The following CPVL variants were observed in gnomAD, a reference collection of about 807,000 sequenced individuals.
CPVL encodes the protein probable serine carboxypeptidase CPVL.
A neutral mutation model predicts 63.7 loss-of-function variants in CPVL; 51 were observed. The ratio of observed to expected loss-of-function variants is 0.80; its 90% CI spans 0.64 to 1.01. The LOEUF (loss-of-function observed/expected upper bound fraction) is 1.01. CPVL is among the 50% of genes least tolerant of loss of function. The pLI is 0.00. For missense variants in CPVL, 530 were observed against 573.1 expected, an observed-to-expected ratio of 0.92 and a Z score of 0.77; for synonymous variants, 195 against 206.0, an observed-to-expected ratio of 0.95 and a Z score of 0.46.
upstream of CPVL, among the ~76,000 whole-genome samples, chr7:29,147,976 C>T (rs923626926): frequency 6.6e-6 from 1 of 152,154 alleles, no homozygotes; most frequent in Non-Finnish European, 1.5e-5. Flanking sequence ...TTGCAGCCAC[C>T]TCCTCTCTTC....
intron 1 of CPVL, chr7:29,124,943 G>T (rs1789839817): frequency 6.6e-6 from 1 of 151,972 alleles, no homozygotes; most frequent in Non-Finnish European, 1.5e-5. Context: ...CTGTTTCCTA[G>T]GAATAAGGTT....
At chr7:29,025,933 A>G (rs1562728846) in intron 12 of CPVL, among the ~76,000 whole-genome samples, 1 of 152,148 alleles carries the variant, frequency 6.6e-6, no homozygotes, top group African/African-American at 2.4e-5. Flanking sequence ...AATAAGAAAG[A>G]AACGTCAGAT....
intron 1 of CPVL, chr7:29,186,658 T>C (rs1355810663): frequency 6.6e-6 from 1 of 151,742 alleles, no homozygotes; most frequent in Non-Finnish European, 1.5e-5. Context: ...AAAATAAAAA[T>C]AAAAACATGA....
At chr7:29,090,671 C>T (rs1041718495) in intron 6 of CPVL, among the ~76,000 whole-genome samples, 10 of 152,230 alleles carry the variant, frequency 6.6e-5, no homozygotes, top group African/African-American at 2.4e-4. Context: ...TAGTGTACTC[C>T]AAATCAAAGT....
intron 5 of CPVL, among the ~76,000 whole-genome samples, chr7:29,156,134 A>G (rs1183970384): frequency 1.3e-5 from 2 of 152,202 alleles, no homozygotes; most frequent in African/African-American, 2.4e-5. Context: ...CTGGAAAACC[A>G]TATATTTACT....
chr7:29,158,629 A>G (rs780621808), intron 5 of CPVL, among the ~76,000 whole-genome samples: 13 of 151,592 alleles, frequency 8.6e-5, no homozygotes, highest in Non-Finnish European at 1.8e-4. Flanking sequence ...GTATGCCTGA[A>G]TAGGTGAATT....
At chr7:29,180,364 A>G (rs1797912484) in intron 5 of CPVL, among the ~76,000 whole-genome samples, 1 of 152,058 alleles carries the variant, frequency 6.6e-6, no homozygotes, top group Non-Finnish European at 1.5e-5. Context: ...TATCTCTACT[A>G]AAAATACAAA....
chr7:29,186,562 T>TGAAAG (rs143140699), intron 1 of CPVL: 9 of 130,352 alleles, frequency 6.9e-5, no homozygotes, highest in Non-Finnish European at 1.3e-4. Flanking sequence ...GTGACAGAGA[T>TGAAAG]GAAAGGAAAG....
At chr7:29,093,264 C>A (rs996352064) in intron 5 of CPVL, among the ~76,000 whole-genome samples, 1 of 151,356 alleles carries the variant, frequency 6.6e-6, no homozygotes, top group Non-Finnish European at 1.5e-5. Context: ...GTAATCCCAG[C>A]TACTCAGGAG....
intron 11 of CPVL, among the ~76,000 whole-genome samples, chr7:29,032,493 C>T (rs1584043606): frequency 6.6e-6 from 1 of 152,174 alleles, no homozygotes; most frequent in South Asian, 2.1e-4. Flanking sequence ...ACCTCAAAGA[C>T]CTTGAGTACT....
intron 11 of CPVL, among the ~76,000 whole-genome samples, chr7:29,050,495 T>G (rs1466183218): frequency 6.6e-6 from 1 of 152,070 alleles, no homozygotes; most frequent in East Asian, 1.9e-4. Context: ...TTGGTGGAAT[T>G]GTAAAATGGC....
intron 1 of CPVL, among the ~76,000 whole-genome samples, chr7:29,124,441 A>G (rs2128646377): frequency 6.6e-6 from 1 of 152,290 alleles, no homozygotes; most frequent in African/African-American, 2.4e-5. Flanking sequence ...AACAATATCA[A>G]CAGAATCAAA....
At chr7:29,138,441 AAATAAT>A (rs1046532539) in intron 1 of CPVL, among the ~76,000 whole-genome samples, 1 of 152,172 alleles carries the variant, frequency 6.6e-6, no homozygotes, top group African/African-American at 2.4e-5. Context: ...CTACGTCTCC[AAATAAT>A]AATAATAAGA....
chr7:29,095,016 A>C, intron 5 of CPVL, 68 bp downstream of exon 5: 5 of 1,172,284 alleles, frequency 4.3e-6, no homozygotes, highest in Non-Finnish European at 6.3e-6. Context: ...AATGTACTTA[A>C]TAAAAAGGAA....
chr7:29,189,855 C>A (rs912761257), intron 1 of CPVL, among the ~76,000 whole-genome samples: 1 of 152,262 alleles, frequency 6.6e-6, no homozygotes, highest in East Asian at 1.9e-4. Context: ...GTGAGAAAGA[C>A]GATGCAGGAA....
At chr7:29,194,846 C>A in intron 1 of CPVL, 8 of 1,192,632 alleles carry the variant, frequency 6.7e-6, no homozygotes, top group Non-Finnish European at 8.7e-6. Flanking sequence ...TTGCCATGGG[C>A]TGGGGGCCGC....
At chr7:29,047,825 C>G (rs752918783) in intron 11 of CPVL, among the ~76,000 whole-genome samples, 3 of 152,196 alleles carry the variant, frequency 2.0e-5, no homozygotes, top group Non-Finnish European at 2.9e-5. Flanking sequence ...GAAAACCTAT[C>G]AGGTTAACAG....
chr7:29,089,705 T>C (rs1785576212), intron 6 of CPVL, among the ~76,000 whole-genome samples: 1 of 152,128 alleles, frequency 6.6e-6, no homozygotes, highest in Non-Finnish European at 1.5e-5. Flanking sequence ...CAACCCTTAA[T>C]CTGCATGTAA....
intron 11 of CPVL, among the ~76,000 whole-genome samples, chr7:29,036,315 C>T (rs561838365): frequency 6.6e-5 from 10 of 152,264 alleles, no homozygotes; most frequent in African/African-American, 2.4e-4. Context: ...ACAAAGTTCC[C>T]AGCACAGTGC....
Sources: allele counts gnomAD v4.1 joint callset (sites outside exome capture counted in the v4.1 genomes callset), GRCh38; gene constraint gnomAD v4.1.1; transcripts MANE v1.5; gene names NCBI Gene and HGNC (gene_info 2026-07-23, HGNC 2026-07-21).